Variants in ZFAND3 observed in about 807,000 individuals in gnomAD.
ZFAND3 encodes AN1-type zinc finger protein 3.
Under a neutral mutation model 29.6 loss-of-function variants are expected in ZFAND3, and 10 were observed. The observed-to-expected ratio is 0.34, with a 90% CI of 0.21 to 0.57. ZFAND3 has a LOEUF of 0.57. Ranked by LOEUF, ZFAND3 falls within the 20% of genes least tolerant of loss-of-function variation. ZFAND3 has a pLI of 0.86. For missense variants in ZFAND3, 230 were observed against 304.5 expected (o/e 0.76, Z 1.82); for synonymous variants, 128 against 112.6 (o/e 1.14, Z -0.87).
intron 1 of ZFAND3, among the ~76,000 whole-genome samples, chr6:37,917,736 C>T (rs1339934008): frequency 6.6e-6 from 1 of 152,116 alleles, no homozygotes; most frequent in African/African-American, 2.4e-5. Context: ...ATAAGGAAAG[C>T]AGTTTATTTT....
At chr6:38,041,723 C>T (rs1309221182) in intron 2 of ZFAND3, among the ~76,000 whole-genome samples, 224 of 1,272 alleles carry the variant, frequency 0.18, 9 homozygotes, top group East Asian at 0.79. Flanking sequence ...TCCTCCTCCT[C>T]CTCCTCCTCC....
chr6:37,843,780 T>C (rs1241705156), intron 1 of ZFAND3, among the ~76,000 whole-genome samples: 1 of 152,086 alleles, frequency 6.6e-6, no homozygotes, highest in Non-Finnish European at 1.5e-5. Context: ...CATATTCTTT[T>C]AACATTTCCA....
intron 1 of ZFAND3, among the ~76,000 whole-genome samples, chr6:37,914,662 C>CTTTTT (rs1327923079): frequency 4.8e-5 from 3 of 62,472 alleles, no homozygotes; most frequent in African/African-American, 2.0e-4. Context: ...TTCTTTCTTT[C>CTTTTT]TTTTTTTTTC....
At chr6:37,890,345 G>C (rs552624783) in intron 1 of ZFAND3, among the ~76,000 whole-genome samples, 3 of 152,172 alleles carry the variant, frequency 2.0e-5, no homozygotes, top group Non-Finnish European at 4.4e-5. Flanking sequence ...CCCGATTGCT[G>C]ATATTTGGAC....
intron 1 of ZFAND3, among the ~76,000 whole-genome samples, chr6:37,859,661 G>A (rs1764444468): frequency 6.6e-6 from 1 of 152,156 alleles, no homozygotes; most frequent in Admixed American, 6.5e-5. Flanking sequence ...AGTGATAGGT[G>A]AGGATTGAAT....
intron 2 of ZFAND3, among the ~76,000 whole-genome samples, chr6:38,055,262 G>T (rs531156035): frequency 1.4e-4 from 21 of 152,150 alleles, no homozygotes; most frequent in Non-Finnish European, 2.9e-4. Flanking sequence ...GCTTCTGGTG[G>T]GTGCATGGAT....
chr6:37,977,848 C>CTTCCTTCCTTCCTTCCTTCCTTCCTTCA, intron 2 of ZFAND3, among the ~76,000 whole-genome samples: 1 of 135,248 alleles, frequency 7.4e-6, no homozygotes, highest in African/African-American at 2.8e-5. Context: ...TCCTTCCTTC[C>CTTCCTTCCTTCCTTCCTTCCTTCCTTCA]TTCCTTCCTT....
chr6:37,841,517 TC>T (rs1764074673), intron 1 of ZFAND3, among the ~76,000 whole-genome samples: 1 of 152,320 alleles, frequency 6.6e-6, no homozygotes, highest in African/African-American at 2.4e-5. Flanking sequence ...GGAGCCTGGC[TC>T]TGTTGCCCAG....
At chr6:37,944,931 C>T (rs917082755) in intron 2 of ZFAND3, among the ~76,000 whole-genome samples, 1 of 152,188 alleles carries the variant, frequency 6.6e-6, no homozygotes, top group African/African-American at 2.4e-5. Flanking sequence ...GGTTTGGCTT[C>T]TATCTGTATG....
intron 2 of ZFAND3, among the ~76,000 whole-genome samples, chr6:38,050,001 C>CTG (rs1763994923): frequency 7.6e-6 from 1 of 132,156 alleles, no homozygotes; most frequent in African/African-American, 3.0e-5. Context: ...GTCTCCCAGA[C>CTG]TGTAGCACAG....
chr6:37,963,687 G>C (rs1219447003), intron 2 of ZFAND3, among the ~76,000 whole-genome samples: 1 of 151,578 alleles, frequency 6.6e-6, no homozygotes, highest in Non-Finnish European at 1.5e-5. Flanking sequence ...CTTTATGATA[G>C]TTTCCAGTCT....
At chr6:38,073,546 C>T (rs1054191882) in intron 3 of ZFAND3, among the ~76,000 whole-genome samples, 1 of 152,102 alleles carries the variant, frequency 6.6e-6, no homozygotes, top group Admixed American at 6.5e-5. Context: ...TATGCTTTGT[C>T]ACAAGAGAAA....
At chr6:37,822,115 A>G (rs1231926555) in intron 1 of ZFAND3, among the ~76,000 whole-genome samples, 2 of 152,342 alleles carry the variant, frequency 1.3e-5, no homozygotes, top group Admixed American at 1.3e-4. Context: ...GATTACAGGC[A>G]TGAGCCACCG....
At chr6:37,915,883 C>G (rs1761239699) in intron 1 of ZFAND3, 1 of 152,240 alleles carries the variant, frequency 6.6e-6, no homozygotes, top group African/African-American at 2.4e-5. Flanking sequence ...GATTCTCCTG[C>G]CTCAGGCTCC....
chr6:38,025,166 CAG>C (rs1435751206), intron 2 of ZFAND3, among the ~76,000 whole-genome samples: 1 of 152,170 alleles, frequency 6.6e-6, no homozygotes, highest in Non-Finnish European at 1.5e-5. Flanking sequence ...TTTTCTGACT[CAG>C]GGCTTAAGCT....
At chr6:37,875,405 T>A (rs542552858) in intron 1 of ZFAND3, among the ~76,000 whole-genome samples, 1 of 152,326 alleles carries the variant, frequency 6.6e-6, no homozygotes, top group Admixed American at 6.5e-5. Context: ...AGTACATGAT[T>A]ACCAATAATG....
intron 2 of ZFAND3, among the ~76,000 whole-genome samples, chr6:38,016,446 C>T (rs1763254136): frequency 6.6e-6 from 1 of 152,138 alleles, no homozygotes. Flanking sequence ...AAGTCCATGC[C>T]AGAACTTAAG....
At chr6:38,069,882 T>C (rs1426185677) in intron 3 of ZFAND3, among the ~76,000 whole-genome samples, 5 of 152,238 alleles carry the variant, frequency 3.3e-5, no homozygotes, top group Admixed American at 2.6e-4. Context: ...TTTTAAGTTA[T>C]TCATTTTCTG....
At chr6:37,979,531 A>G (rs1314682800) in intron 2 of ZFAND3, among the ~76,000 whole-genome samples, 1 of 152,198 alleles carries the variant, frequency 6.6e-6, no homozygotes, top group Admixed American at 6.5e-5. Context: ...TGCTCAATGT[A>G]GAGTTAATTG....
Sources: allele counts gnomAD v4.1 joint callset (sites outside exome capture counted in the v4.1 genomes callset), GRCh38; gene constraint gnomAD v4.1.1; transcripts MANE v1.5; gene names NCBI Gene and HGNC (gene_info 2026-07-23, HGNC 2026-07-21).